The following MYO3B variants were observed in gnomAD, a reference collection of about 807,000 sequenced individuals.
MYO3B encodes the protein myosin-IIIb.
Under a neutral mutation model 174.6 loss-of-function variants are expected in MYO3B, and 156 were observed. The observed-to-expected ratio is 0.89, with a 90% CI of 0.78 to 1.02. The LOEUF (loss-of-function observed/expected upper bound fraction) is 1.02. Among genes scored for constraint, MYO3B ranks in the 50% least tolerant of loss-of-function variants. The pLI, the probability that MYO3B is intolerant of heterozygous loss-of-function variation, is 0.00. For synonymous variants in MYO3B, 563 were observed against 569.1 expected (o/e 0.99, Z 0.15); for missense variants, 1,632 against 1,639.4 (o/e 1.00, Z 0.08).
intron 16 of MYO3B, among the ~76,000 whole-genome samples, chr2:170,396,241 G>A (rs749292557): frequency 9.2e-5 from 14 of 152,212 alleles, no homozygotes; most frequent in Non-Finnish European, 1.8e-4. Flanking sequence ...TGGAGATGAA[G>A]CAAGAGAAAA....
At chr2:170,631,879 A>G (rs1014689714) in intron 32 of MYO3B, among the ~76,000 whole-genome samples, 4 of 152,244 alleles carry the variant, frequency 2.6e-5, no homozygotes, top group African/African-American at 9.6e-5. Flanking sequence ...GTTTAAACCA[A>G]CAAAGATCAA....
intron 7 of MYO3B, among the ~76,000 whole-genome samples, chr2:170,327,861 ATATATATATATATACACTATATATAG>A (rs1472327887): frequency 1.3e-5 from 1 of 75,478 alleles, no homozygotes; most frequent in African/African-American, 6.2e-5. Flanking sequence ...AATTATTAGC[ATATATATATATATACACTATATATAG>A]TATATATATA....
chr2:170,299,267 A>G (rs1033658026), intron 7 of MYO3B, among the ~76,000 whole-genome samples: 1 of 152,198 alleles, frequency 6.6e-6, no homozygotes, highest in African/African-American at 2.4e-5. Flanking sequence ...GAATAGAGAG[A>G]CAGAGTGGTA....
At chr2:170,204,491 T>A (rs2092695275) in intron 3 of MYO3B, among the ~76,000 whole-genome samples, 1 of 152,238 alleles carries the variant, frequency 6.6e-6, no homozygotes, top group Admixed American at 6.5e-5. Context: ...AGTTGATGGC[T>A]TATTGAGCAA....
intron 7 of MYO3B, among the ~76,000 whole-genome samples, chr2:170,296,549 A>G (rs2093629950): frequency 6.6e-6 from 1 of 152,218 alleles, no homozygotes; most frequent in Non-Finnish European, 1.5e-5. Flanking sequence ...GGAAGAGGCT[A>G]CAGAACTGAG....
chr2:170,446,097 A>G (rs147271632), intron 23 of MYO3B, among the ~76,000 whole-genome samples: 8,409 of 152,342 alleles, frequency 0.055, 342 homozygotes, highest in South Asian at 0.17. Context: ...CTTCTTTGAC[A>G]TCAGCTGGAA....
chr2:170,438,123 C>A (rs751473184), intron 22 of MYO3B, among the ~76,000 whole-genome samples: 1 of 152,204 alleles, frequency 6.6e-6, no homozygotes, highest in Non-Finnish European at 1.5e-5. Context: ...CCATTCTACT[C>A]TCTGCTTTTG....
rs564240345 is a variant in MYO3B, at chr2:170,323,332, T to C, written c.750-12053T>C. 2.0e-4 allele frequency among the ~76,000 whole-genome samples: 30 copies of C among 152,360 alleles called. 1 individual carries two copies. The highest frequency in any genetic ancestry group is 1.7e-3 in the Admixed American group (26 of 15,304). ...TCTCAAACAAAATGTTCTTTGGATT[T>C]GCTTGCTAGTGTCTTATAATCTGAA... is the stretch of plus-strand genomic sequence containing the variant. On this transcript the variant is annotated intron_variant, in intron 7 of 34. Transcript: ENST00000408978.
intron 30 of MYO3B, among the ~76,000 whole-genome samples, chr2:170,522,301 C>T (rs1688718637): frequency 6.6e-6 from 1 of 152,138 alleles, no homozygotes; most frequent in African/African-American, 2.4e-5. Flanking sequence ...AGAAAAGCCC[C>T]TCCTAAAGCA....
At chr2:170,648,980 AATAT>A (rs1281383424) in intron 32 of MYO3B, among the ~76,000 whole-genome samples, 1 of 72,484 alleles carries the variant, frequency 1.4e-5, no homozygotes, top group African/African-American at 5.3e-5. Flanking sequence ...TATATAAAAT[AATAT>A]ATAATGTATA....
chr2:170,596,663 G>T (rs934731096), intron 32 of MYO3B, among the ~76,000 whole-genome samples: 10 of 152,064 alleles, frequency 6.6e-5, no homozygotes, highest in Non-Finnish European at 1.2e-4. Context: ...TCCACCCTCT[G>T]CCCCCAAACC....
intron 7 of MYO3B, among the ~76,000 whole-genome samples, chr2:170,303,069 CAA>C (rs1302635654): frequency 2.0e-5 from 3 of 152,044 alleles, no homozygotes; most frequent in African/African-American, 7.2e-5. Context: ...AGTCACTTAA[CAA>C]TATATTTTAG....
chr2:170,230,336 A>T (rs1438632582), intron 6 of MYO3B, among the ~76,000 whole-genome samples: 11 of 64,718 alleles, frequency 1.7e-4, no homozygotes, highest in Admixed American at 2.6e-4. Flanking sequence ...CGCCTGGCTA[A>T]TTTTTTTTTT....
At chr2:170,501,957 G>A in intron 28 of MYO3B, 92 bp downstream of exon 28, 1 of 892,514 alleles carries the variant, frequency 1.1e-6, no homozygotes, top group Non-Finnish European at 1.8e-6. Context: ...TAATAATTCA[G>A]GAGCACTGGA....
chr2:170,337,305 T>A (rs2093952372), intron 8 of MYO3B, among the ~76,000 whole-genome samples: 2 of 152,100 alleles, frequency 1.3e-5, no homozygotes, highest in South Asian at 4.1e-4. Flanking sequence ...AAAGGCTGAA[T>A]CCAAAGATTT....
At chr2:170,556,719 A>C (rs1176293236) in intron 32 of MYO3B, among the ~76,000 whole-genome samples, 1 of 152,062 alleles carries the variant, frequency 6.6e-6, no homozygotes, top group African/African-American at 2.4e-5. Context: ...ACGGGGTTTC[A>C]CCATGTTAGC....
intron 32 of MYO3B, among the ~76,000 whole-genome samples, chr2:170,580,565 G>A (rs1223309761): frequency 2.0e-5 from 3 of 152,314 alleles, no homozygotes; most frequent in African/African-American, 4.8e-5. Flanking sequence ...TTGAACCTGG[G>A]AGGCGGAGGT....
chr2:170,269,739 A>G (rs2093412959), intron 7 of MYO3B, among the ~76,000 whole-genome samples: 1 of 152,210 alleles, frequency 6.6e-6, no homozygotes, highest in Admixed American at 6.5e-5. Flanking sequence ...ATTCTGTGGA[A>G]TAAAATGCAT....
intron 29 of MYO3B, among the ~76,000 whole-genome samples, chr2:170,515,710 G>C (rs1310233350): frequency 6.6e-6 from 1 of 152,078 alleles, no homozygotes; most frequent in Admixed American, 6.6e-5. Context: ...TTGATGGCAA[G>C]TGAAGATTTT....
Sources: allele counts gnomAD v4.1 joint callset (sites outside exome capture counted in the v4.1 genomes callset), GRCh38; gene constraint gnomAD v4.1.1; transcripts MANE v1.5; gene names NCBI Gene and HGNC (gene_info 2026-07-23, HGNC 2026-07-21).